The following LARP4 variants were observed in gnomAD, a reference collection of about 807,000 sequenced individuals.
LARP4 encodes La ribonucleoprotein 4, also known as la-related protein 4.
In LARP4, 29 loss-of-function variants were observed where a neutral mutation model predicts 92.9. The observed-to-expected ratio is 0.31, with a 90% CI of 0.23 to 0.43. The LOEUF (loss-of-function observed/expected upper bound fraction) is 0.43. Among genes scored for constraint, LARP4 ranks in the 20% least tolerant of loss-of-function variants. LARP4 has a pLI of 1.00. For synonymous variants in LARP4, 279 were observed against 284.1 expected (o/e 0.98, Z 0.18); for missense variants, 732 against 860.0 (o/e 0.85, Z 1.86).
In LARP4 at chr12:50,424,293, C is replaced by T. The variant is rs772403967; in HGVS notation, c.19-3469C>T. On this transcript the variant is annotated intron_variant, in intron 1 of 15. Transcript: ENST00000398473. ...ATTGAGGCAAGAGCATCATTTGAAC[C>T]CCGGAGTTTGAGGCTACAGTGAGCT... Among the ~76,000 whole-genome samples the T allele has an allele frequency of 6.6e-5, 10 of 151,706 alleles. 1 individual carries two copies. The highest frequency in any genetic ancestry group is 1.3e-4 in the Non-Finnish European group (9 of 67,990).
intron 9 of LARP4, 42 bp downstream of exon 9, chr12:50,453,714 T>A: frequency 7.7e-7 from 1 of 1,295,280 alleles, no homozygotes; most frequent in Non-Finnish European, 1.1e-6. Context: ...ATATTTTTAA[T>A]TTGAGCTGAA....
chr12:50,428,280 G>C (rs563427211), intron 2 of LARP4, among the ~76,000 whole-genome samples: 2 of 151,918 alleles, frequency 1.3e-5, no homozygotes, highest in African/African-American at 4.8e-5. Flanking sequence ...CACCAGCCTC[G>C]GCCTCCCAAA....
intron 8 of LARP4, among the ~76,000 whole-genome samples, chr12:50,448,852 A>G (rs1025366104): frequency 7.9e-5 from 12 of 152,210 alleles, no homozygotes; most frequent in African/African-American, 2.7e-4. Context: ...CATGACGACA[A>G]TATCATCATT....
chr12:50,469,980 G>T (rs1198431805), intron 13 of LARP4, among the ~76,000 whole-genome samples: 5 of 152,020 alleles, frequency 3.3e-5, no homozygotes, highest in Non-Finnish European at 5.9e-5. Context: ...AGCACTGTGG[G>T]GGTCCAAGGT....
Position 50,476,001 on chromosome 12 carries a change from G to A in LARP4, c.*137G>A. 1.4e-6 allele frequency: 1 copy of A among 704,214 alleles called. No individual in the cohort carries two copies. The highest frequency in any genetic ancestry group is 2.3e-6 in the Non-Finnish European group (1 of 435,674). The allele number at this position is 704,214 out of a possible 1,614,324, so 43.6% of individuals were successfully genotyped here. A position where few individuals can be genotyped will look rare whatever the true frequency, so the allele number is the denominator to read the frequency against. On this transcript the variant is annotated 3_prime_UTR_variant, in exon 16 of 16. Transcript: ENST00000398473. ...TACGTCCATTTCATTATGGATTTTG[G>A]AGTTGTGAGTGATAGGATCCCAAAA...
At chr12:50,474,637 G>A (rs1593506500) in intron 15 of LARP4, among the ~76,000 whole-genome samples, 3 of 152,088 alleles carry the variant, frequency 2.0e-5, no homozygotes, top group East Asian at 3.9e-4. Flanking sequence ...GTGAGCCACC[G>A]CGCCTGGCCC....
chr12:50,452,497 A>T (rs973079108), intron 8 of LARP4, among the ~76,000 whole-genome samples: 9 of 152,146 alleles, frequency 5.9e-5, no homozygotes, highest in African/African-American at 2.2e-4. Context: ...TTAACTTTTG[A>T]GGAATCTCCA....
At chr12:50,440,595 A>G (rs757438782) in intron 7 of LARP4, 46 bp downstream of exon 7, 5 of 1,246,434 alleles carry the variant, frequency 4.0e-6, no homozygotes, top group Non-Finnish European at 4.7e-6. Context: ...TAGTGGCAAA[A>G]TAAGTAGTGG....
At position 50,454,379 on chromosome 12, in the gene LARP4, T is replaced by C. The variant is rs374694300; in HGVS notation, c.1083T>C (p.Ala361=). ...FNSPGSYKTN[A]AAMNMGRPFQ... Reference sequence around the variant, plus strand: ...CGCCAGGATCTTATAAAACAAATGCTGCTGCTATGAATATGGGTCGACCAT... The same window carrying C: ...CGCCAGGATCTTATAAAACAAATGCCGCTGCTATGAATATGGGTCGACCAT... The change falls in exon 10 of 16, where the codon GCT becomes GCC. Residue 361 remains alanine (A), a synonymous_variant. Transcript: ENST00000398473. 3 of 1,613,668 alleles carry C rather than the reference T, an allele frequency of 1.9e-6. No individual in the cohort carries two copies. The highest frequency in any genetic ancestry group is 4.5e-5 in the East Asian group (2 of 44,826).
At chr12:50,466,326 G>A (rs986942481) in intron 12 of LARP4, among the ~76,000 whole-genome samples, 1 of 152,018 alleles carries the variant, frequency 6.6e-6, no homozygotes, top group African/African-American at 2.4e-5. Flanking sequence ...GGAGAAAGAT[G>A]GTGATGGGCG....
At chr12:50,430,194 C>CA (rs1949440213) in intron 3 of LARP4, among the ~76,000 whole-genome samples, 1 of 151,766 alleles carries the variant, frequency 6.6e-6, no homozygotes, top group Non-Finnish European at 1.5e-5. Flanking sequence ...CCTGTCTCTA[C>CA]AAAAAAATAA....
At chr12:50,444,044 A>G (rs1036795617) in intron 8 of LARP4, among the ~76,000 whole-genome samples, 8 of 152,216 alleles carry the variant, frequency 5.3e-5, no homozygotes, top group Admixed American at 1.3e-4. Flanking sequence ...CAATTTTAGA[A>G]TATTTGTCTA....
At chr12:50,456,375 G>A (rs1398212709) in intron 10 of LARP4, among the ~76,000 whole-genome samples, 1 of 111,342 alleles carries the variant, frequency 9.0e-6, no homozygotes, top group East Asian at 2.2e-4. Flanking sequence ...GAAATAATTA[G>A]TGAATACTTT....
intron 5 of LARP4, among the ~76,000 whole-genome samples, chr12:50,437,159 A>G (rs561139800): frequency 6.6e-6 from 1 of 152,302 alleles, no homozygotes; most frequent in Admixed American, 6.5e-5. Context: ...ATTTGCTACT[A>G]TATTTAGTAT....
intron 8 of LARP4, among the ~76,000 whole-genome samples, chr12:50,447,361 A>G (rs972439406): frequency 5.3e-5 from 8 of 152,300 alleles, no homozygotes; most frequent in Admixed American, 3.3e-4. Flanking sequence ...AATATTATAG[A>G]TGTTGATGGC....
intron 12 of LARP4, among the ~76,000 whole-genome samples, chr12:50,463,419 C>A (rs10783363): frequency 0.94 from 86,947 of 92,870 alleles, 40,584 homozygotes; most frequent in East Asian, 0.98. Flanking sequence ...CCCCATCTCT[C>A]CAAAAAAAAA....
chr12:50,425,678 G>T (rs1948601191), intron 1 of LARP4, among the ~76,000 whole-genome samples: 1 of 152,110 alleles, frequency 6.6e-6, no homozygotes, highest in Non-Finnish European at 1.5e-5. Context: ...GGAGCCAGGA[G>T]CTGGGTCTTA....
intron 1 of LARP4, among the ~76,000 whole-genome samples, chr12:50,425,595 AC>A (rs1397033008): frequency 6.6e-6 from 1 of 152,036 alleles, no homozygotes; most frequent in Admixed American, 6.6e-5. Flanking sequence ...TGAGTTTATC[AC>A]CCTTAGGGGT....
In LARP4 at chr12:50,475,966, C is replaced by T; in HGVS notation, c.*102C>T. On this transcript the variant is annotated 3_prime_UTR_variant, in exon 16 of 16. Transcript: ENST00000398473. ...GGGGAGGGGGTAGCCAGGAAGGAAA[C>T]AAGAGAAAGTACGTCCATTTCATTA... The T allele has an allele frequency of 1.1e-6, 1 of 947,690 alleles. No homozygotes were observed. The highest frequency in any genetic ancestry group is 1.6e-6 in the Non-Finnish European group (1 of 638,830). 58.7% of individuals were successfully genotyped at this position (947,690 alleles called of 1,614,324 possible).
Sources: gnomAD v4.1 joint callset for allele counts (sites outside exome capture counted in the v4.1 genomes callset) on GRCh38, gnomAD v4.1.1 for gene constraint, MANE v1.5 for transcripts, NCBI Gene and HGNC (gene_info 2026-07-23, HGNC 2026-07-21) for gene names.